Variants in GARIN1B observed in about 807,000 individuals in gnomAD.
GARIN1B encodes the protein golgi associated RAB2 interactor 1B, also known as Golgi-associated RAB2 interactor protein 1B.
the GARIN1B span, among the ~76,000 whole-genome samples, chr7:128,713,470 G>T: frequency 6.6e-6 from 1 of 152,148 alleles, no homozygotes; most frequent in African/African-American, 2.4e-5. Context: ...AATAGAGACA[G>T]GATCTCATTC....
At chr7:128,718,870 C>T in the GARIN1B span, 1 of 1,614,156 alleles carries the variant, frequency 6.2e-7, no homozygotes, top group East Asian at 2.2e-5. Context: ...AGGTATGTGA[C>T]CACTATCAAC....
At chr7:128,727,612 T>C in the GARIN1B span, among the ~76,000 whole-genome samples, 2 of 152,156 alleles carry the variant, frequency 1.3e-5, no homozygotes, top group African/African-American at 4.8e-5. Context: ...TGCACAATCT[T>C]CCCCCATCTC....
the GARIN1B span, among the ~76,000 whole-genome samples, chr7:128,723,823 T>C: frequency 6.6e-6 from 1 of 151,762 alleles, no homozygotes; most frequent in South Asian, 2.1e-4. Context: ...CTGTTCAGTC[T>C]TTATCCTTGA....
chr7:128,711,191 A>C, the GARIN1B span, among the ~76,000 whole-genome samples: 2 of 152,090 alleles, frequency 1.3e-5, no homozygotes, highest in African/African-American at 4.8e-5. Flanking sequence ...CATCTTACGG[A>C]GATCTCGTGA....
the GARIN1B span, chr7:128,718,845 G>C: frequency 4.3e-6 from 7 of 1,613,844 alleles, no homozygotes; most frequent in Middle Eastern, 3.3e-4. Flanking sequence ...CTCCCATTGA[G>C]GTTTGTGGAG....
chr7:128,731,521 A>G, the GARIN1B span: 3 of 265,242 alleles, frequency 1.1e-5, no homozygotes, highest in African/African-American at 6.5e-5. Context: ...GGTAGACGAG[A>G]TAAGGAGGAC....
At chr7:128,728,172 G>A in the GARIN1B span, among the ~76,000 whole-genome samples, 5 of 152,264 alleles carry the variant, frequency 3.3e-5, no homozygotes, top group Admixed American at 6.5e-5. Context: ...GGCAGGGCGC[G>A]GTGGCTCACG....
At chr7:128,712,069 C>A in the GARIN1B span, among the ~76,000 whole-genome samples, 21,816 of 152,058 alleles carry the variant, frequency 0.14, 1,803 homozygotes, top group African/African-American at 0.21. Context: ...CAAAAAAAAC[C>A]TTGCTGTATT....
the GARIN1B span, among the ~76,000 whole-genome samples, chr7:128,718,161 G>A: frequency 6.6e-6 from 1 of 152,204 alleles, no homozygotes; most frequent in Non-Finnish European, 1.5e-5. Flanking sequence ...GGCTGGGCGC[G>A]GTGGCTCGTG....
At chr7:128,713,901 G>A in the GARIN1B span, 2 of 1,187,644 alleles carry the variant, frequency 1.7e-6, no homozygotes, top group East Asian at 5.4e-5. Flanking sequence ...CTACGCTTTT[G>A]TGCTGTGTGT....
the GARIN1B span, chr7:128,731,358 T>C: frequency 3.5e-6 from 2 of 576,220 alleles, no homozygotes; most frequent in Non-Finnish European, 6.2e-6. Context: ...GCTCTCAGAA[T>C]GGCCGGGCCC....
chr7:128,723,208 G>A, the GARIN1B span: 86 of 1,611,186 alleles, frequency 5.3e-5, no homozygotes, highest in Non-Finnish European at 6.9e-5. Flanking sequence ...TAGTACAGAA[G>A]AAACTCCAAG....
At chr7:128,718,725 C>T in the GARIN1B span, 3 of 1,402,514 alleles carry the variant, frequency 2.1e-6, no homozygotes, top group South Asian at 4.1e-5. Context: ...CTCTTTTCTA[C>T]CTCCAAAAGC....
At chr7:128,715,758 A>G in the GARIN1B span, 37 of 1,360,164 alleles carry the variant, frequency 2.7e-5, no homozygotes, top group South Asian at 4.1e-4. Flanking sequence ...TATGACTGAG[A>G]GAGTCCATCC....
chr7:128,727,513 G>A, the GARIN1B span, among the ~76,000 whole-genome samples: 3 of 152,190 alleles, frequency 2.0e-5, no homozygotes, highest in Admixed American at 1.3e-4. Context: ...CTGCAAGAGG[G>A]AGCATGACAC....
the GARIN1B span, among the ~76,000 whole-genome samples, chr7:128,721,835 G>T: frequency 6.6e-6 from 1 of 151,984 alleles, no homozygotes; most frequent in Non-Finnish European, 1.5e-5. Context: ...TTTGTTAAAT[G>T]CTTTCTCTGC....
chr7:128,719,571 A>G, the GARIN1B span, among the ~76,000 whole-genome samples: 1 of 151,846 alleles, frequency 6.6e-6, no homozygotes, highest in Non-Finnish European at 1.5e-5. Flanking sequence ...ATCTTACAAC[A>G]TATAGTCTTT....
chr7:128,729,986 G>A, the GARIN1B span: 2 of 1,614,204 alleles, frequency 1.2e-6, no homozygotes, highest in South Asian at 2.2e-5. Flanking sequence ...GAGTGGGAAA[G>A]AGAGAACCCC....
chr7:128,716,044 C>T, the GARIN1B span, among the ~76,000 whole-genome samples: 4 of 152,264 alleles, frequency 2.6e-5, no homozygotes, highest in South Asian at 4.2e-4. Flanking sequence ...TGCGGATTGG[C>T]GAAAGAACAG....
Sources: gnomAD v4.1 joint callset for allele counts (sites outside exome capture counted in the v4.1 genomes callset) on GRCh38, gnomAD v4.1.1 for gene constraint, MANE v1.5 for transcripts, NCBI Gene and HGNC (gene_info 2026-07-23, HGNC 2026-07-21) for gene names.